SEMA6D: variants seen among roughly 807,000 people sequenced by gnomAD.
The protein encoded by SEMA6D is semaphorin-6D.
SEMA6D carries 35 observed loss-of-function variants against 106.6 expected under a neutral mutation model. That is an observed-to-expected ratio of 0.33 (90% confidence interval 0.25 to 0.44). The LOEUF is 0.44. Among genes scored for constraint, SEMA6D ranks in the 20% least tolerant of loss-of-function variants. The pLI, the probability that SEMA6D is intolerant of heterozygous loss-of-function variation, is 1.00. For missense variants in SEMA6D, 1,185 were observed against 1,345.9 expected (o/e 0.88, Z 1.87); for synonymous variants, 499 against 487.7 (o/e 1.02, Z -0.31).
At chr15:47,269,427 C>T (rs2034461589) in intron 1 of SEMA6D, among the ~76,000 whole-genome samples, 1 of 151,538 alleles carries the variant, frequency 6.6e-6, no homozygotes, top group South Asian at 2.1e-4. Flanking sequence ...GCTAAACATA[C>T]TGATTTTTTA....
chr15:47,230,916 A>T (rs759747994), intron 1 of SEMA6D, among the ~76,000 whole-genome samples: 1 of 152,042 alleles, frequency 6.6e-6, no homozygotes, highest in Admixed American at 6.6e-5. Flanking sequence ...GCTGAAATGA[A>T]CTTGATACAA....
chr15:47,258,666 A>G (rs890077717), intron 1 of SEMA6D, among the ~76,000 whole-genome samples: 1 of 152,102 alleles, frequency 6.6e-6, no homozygotes, highest in Non-Finnish European at 1.5e-5. Context: ...CTTTGGACTC[A>G]GACTGAACTG....
At chr15:47,712,562 G>A (rs1406375738), upstream of SEMA6D, among the ~76,000 whole-genome samples, 1 of 152,188 alleles carries the variant, frequency 6.6e-6, no homozygotes, top group Non-Finnish European at 1.5e-5. Context: ...CCCTTTGTCA[G>A]TTTGAATTTT....
chr15:47,634,270 C>T (rs1033290369), intron 4 of SEMA6D, among the ~76,000 whole-genome samples: 1 of 152,122 alleles, frequency 6.6e-6, no homozygotes, highest in Non-Finnish European at 1.5e-5. Flanking sequence ...ATTCAGCTCC[C>T]CACTTGGTGC....
intron 4 of SEMA6D, among the ~76,000 whole-genome samples, chr15:47,708,846 T>C (rs974804671): frequency 5.3e-5 from 8 of 152,256 alleles, no homozygotes; most frequent in Admixed American, 2.6e-4. Context: ...CTGGCTCTGC[T>C]ATGTAACTGG....
intron 4 of SEMA6D, among the ~76,000 whole-genome samples, chr15:47,695,009 AT>A: frequency 6.6e-6 from 1 of 152,220 alleles, no homozygotes; most frequent in Middle Eastern, 3.4e-3. Context: ...ATGGATGGAG[AT>A]TATTTATTTA....
intron 1 of SEMA6D, among the ~76,000 whole-genome samples, chr15:47,288,172 C>T (rs2035451804): frequency 6.6e-6 from 1 of 152,178 alleles, no homozygotes; most frequent in African/African-American, 2.4e-5. Context: ...TGGGTGGGGA[C>T]ATCAATTCAG....
At chr15:47,370,671 G>A (rs1198234588) in intron 1 of SEMA6D, among the ~76,000 whole-genome samples, 1 of 134,608 alleles carries the variant, frequency 7.4e-6, no homozygotes, top group African/African-American at 2.9e-5. Flanking sequence ...ATGGTAAAGC[G>A]CCGTCTCTAC....
At chr15:47,587,428 G>A (rs2076361855) in intron 3 of SEMA6D, among the ~76,000 whole-genome samples, 1 of 152,210 alleles carries the variant, frequency 6.6e-6, no homozygotes, top group South Asian at 2.1e-4. Flanking sequence ...AAATAAAGAA[G>A]CCCTAAATCT....
At chr15:47,455,189 G>A (rs2140972868) in intron 2 of SEMA6D, among the ~76,000 whole-genome samples, 1 of 151,874 alleles carries the variant, frequency 6.6e-6, no homozygotes, top group Admixed American at 6.6e-5. Flanking sequence ...ATAATTGGAG[G>A]AAGAATAACA....
intron 1 of SEMA6D, among the ~76,000 whole-genome samples, chr15:47,241,680 G>A (rs2032916584): frequency 6.6e-6 from 1 of 151,556 alleles, no homozygotes; most frequent in Non-Finnish European, 1.5e-5. Flanking sequence ...CAGGGAAGGA[G>A]GGAAGAAGAA....
intron 3 of SEMA6D, among the ~76,000 whole-genome samples, chr15:47,558,167 C>A (rs1482543685): frequency 6.6e-6 from 1 of 152,098 alleles, no homozygotes; most frequent in Non-Finnish European, 1.5e-5. Context: ...ACAGCACTAA[C>A]CTCCTCTGAC....
intron 1 of SEMA6D, among the ~76,000 whole-genome samples, chr15:47,300,495 C>T (rs1338844787): frequency 2.0e-5 from 3 of 152,060 alleles, no homozygotes; most frequent in East Asian, 1.9e-4. Flanking sequence ...GTGAATAAAA[C>T]GTGTCCCTGC....
chr15:47,763,158 C>G, intron 9 of SEMA6D, 54 bp downstream of exon 9: 1 of 1,368,682 alleles, frequency 7.3e-7, no homozygotes, highest in Non-Finnish European at 1.0e-6. Context: ...GAAATTGAGA[C>G]CACTGTGATA....
intron 1 of SEMA6D, among the ~76,000 whole-genome samples, chr15:47,357,262 G>A (rs1000665070): frequency 2.0e-5 from 3 of 152,034 alleles, no homozygotes; most frequent in South Asian, 4.2e-4. Flanking sequence ...TGAACCTGGG[G>A]GGCGGAGCCT....
chr15:47,249,999 T>G (rs904583903), intron 1 of SEMA6D, among the ~76,000 whole-genome samples: 6 of 152,116 alleles, frequency 3.9e-5, no homozygotes, highest in African/African-American at 1.2e-4. Flanking sequence ...TGGTATTTCA[T>G]CTACCTCAGA....
chr15:47,444,964 G>GGTGA (rs1377469004), intron 2 of SEMA6D, among the ~76,000 whole-genome samples: 6 of 152,242 alleles, frequency 3.9e-5, no homozygotes, highest in Admixed American at 3.3e-4. Flanking sequence ...CTGAGCGGTG[G>GGTGA]AGGCAGCTCT....
chr15:47,670,989 A>ATT, intron 4 of SEMA6D, among the ~76,000 whole-genome samples: 1 of 152,194 alleles, frequency 6.6e-6, no homozygotes, highest in South Asian at 2.1e-4. Flanking sequence ...GGATTTAGAT[A>ATT]TTTTCGTAAT....
chr15:47,318,288 T>G (rs868843964), intron 1 of SEMA6D, among the ~76,000 whole-genome samples: 2 of 149,990 alleles, frequency 1.3e-5, no homozygotes, highest in Non-Finnish European at 3.0e-5. Context: ...TTATTATACT[T>G]TAAGTTTTAG....
Sources: allele counts gnomAD v4.1 joint callset (sites outside exome capture counted in the v4.1 genomes callset), GRCh38; gene constraint gnomAD v4.1.1; transcripts MANE v1.5; gene names NCBI Gene and HGNC (gene_info 2026-07-23, HGNC 2026-07-21).